RIPK2: variants seen among roughly 807,000 people sequenced by gnomAD.
RIPK2 encodes the protein receptor interacting serine/threonine kinase 2, also known as receptor-interacting serine/threonine-protein kinase 2.
RIPK2 carries 38 observed loss-of-function variants against 60.9 expected under a neutral mutation model. The ratio of observed to expected loss-of-function variants is 0.62; its 90% confidence interval spans 0.48 to 0.82. RIPK2 has a LOEUF of 0.82. Ranked by LOEUF, RIPK2 falls within the 40% of genes least tolerant of loss-of-function variation. The pLI is 0.00. For synonymous variants in RIPK2, 225 were observed against 223.4 expected (o/e 1.01, Z -0.06); for missense variants, 518 against 647.0 (o/e 0.80, Z 2.16).
At chr8:89,765,645 T>G (rs908532593) in intron 3 of RIPK2, 149 bp downstream of exon 3, 1 of 489,054 alleles carries the variant, frequency 2.0e-6, no homozygotes, top group South Asian at 4.0e-5. Flanking sequence ...AATTTCTATC[T>G]TCTATTCTCC....
chr8:89,771,716 A>G, intron 4 of RIPK2, 25 bp from the exon 5 acceptor site: 1 of 1,524,990 alleles, frequency 6.6e-7, no homozygotes, highest in Admixed American at 1.9e-5. Flanking sequence ...AAAATATGTA[A>G]CATGTATGTT....
chr8:89,787,174 T>C (rs1809601461), intron 9 of RIPK2, among the ~76,000 whole-genome samples: 1 of 151,980 alleles, frequency 6.6e-6, no homozygotes, highest in African/African-American at 2.4e-5. Flanking sequence ...AAAAAATAAA[T>C]TTTAAAAAAC....
intron 1 of RIPK2, among the ~76,000 whole-genome samples, chr8:89,758,936 TTA>T (rs1335564752): frequency 2.0e-5 from 3 of 152,216 alleles, no homozygotes; most frequent in South Asian, 2.1e-4. Flanking sequence ...GGTGTTCACA[TTA>T]TATGTTTATT....
chr8:89,768,720 T>C (rs753306283), intron 3 of RIPK2, among the ~76,000 whole-genome samples: 3 of 151,804 alleles, frequency 2.0e-5, no homozygotes, highest in Non-Finnish European at 4.4e-5. Context: ...TTGACTCTTT[T>C]ATTGTAGCAA....
intron 6 of RIPK2, among the ~76,000 whole-genome samples, chr8:89,775,298 A>G (rs1311442770): frequency 6.6e-6 from 1 of 152,008 alleles, no homozygotes; most frequent in Non-Finnish European, 1.5e-5. Context: ...AAAAAAAAAT[A>G]AAAAATTAGC....
intron 5 of RIPK2, among the ~76,000 whole-genome samples, chr8:89,772,173 TA>T (rs1427743390): frequency 6.6e-6 from 1 of 152,060 alleles, no homozygotes; most frequent in African/African-American, 2.4e-5. Context: ...TATGATAATT[TA>T]ATTACTACCC....
At chr8:89,785,560 G>A (rs1005310769) in intron 8 of RIPK2, among the ~76,000 whole-genome samples, 1 of 151,836 alleles carries the variant, frequency 6.6e-6, no homozygotes. Flanking sequence ...TTTAGACTTG[G>A]GTCCCAACCC....
intron 7 of RIPK2, among the ~76,000 whole-genome samples, chr8:89,782,820 C>T (rs1809522596): frequency 6.6e-6 from 1 of 152,008 alleles, no homozygotes; most frequent in South Asian, 2.1e-4. Flanking sequence ...TTGTTCATTT[C>T]TTCTTAGGGA....
intron 9 of RIPK2, among the ~76,000 whole-genome samples, 185 bp from the exon 10 acceptor site, chr8:89,789,136 C>T (rs543157772): frequency 3.9e-5 from 6 of 152,216 alleles, no homozygotes; most frequent in African/African-American, 1.4e-4. Flanking sequence ...TGAAAGCATT[C>T]CATATAAACC....
chr8:89,781,553 T>G (rs1020069954), intron 7 of RIPK2, among the ~76,000 whole-genome samples: 30 of 151,966 alleles, frequency 2.0e-4, no homozygotes, highest in African/African-American at 7.3e-4. Context: ...TTGCCATATT[T>G]TTTCCACTCA....
rs77762263 is a variant in RIPK2 at position 89,768,196 on chromosome 8, C to T, written c.484-1576C>T. 6.8e-3 allele frequency among the ~76,000 whole-genome samples: 1,029 copies of T among 151,744 alleles called. 9 individuals carry two copies. The highest frequency in any genetic ancestry group is 0.023 in the African/African-American group (940 of 41,456). On this transcript the variant is annotated intron_variant, in intron 3 of 10. Coordinates refer to ENST00000220751, the MANE Select transcript of RIPK2 (RefSeq NM_003821.6). ...CCACGTATCGTTGCTTAAGCCACCTCTTCTTAAGCAACAAAGTACACAAAA... is the reference window on the plus strand; with the variant it reads ...CCACGTATCGTTGCTTAAGCCACCTTTTCTTAAGCAACAAAGTACACAAAA...
At chr8:89,764,126 A>C (rs1354606102) in intron 2 of RIPK2, among the ~76,000 whole-genome samples, 1 of 152,128 alleles carries the variant, frequency 6.6e-6, no homozygotes, top group Non-Finnish European at 1.5e-5. Context: ...TGCTGCAGAG[A>C]GGCCTGGTAA....
In RIPK2 at chr8:89,789,388, C is replaced by T; in HGVS notation, c.1191C>T (p.Thr397=). The change falls in exon 10 of 11, where the codon ACC becomes ACT. Residue 397 remains threonine (T), a synonymous_variant. Coordinates refer to ENST00000220751, the MANE Select transcript of RIPK2 (RefSeq NM_003821.6). ...CTGGAAATCACAGTTGGGATAGCACCATTTCTGGATCTCAAAGGGCTGCAT... is the reference window on the plus strand; with the variant it reads ...CTGGAAATCACAGTTGGGATAGCACTATTTCTGGATCTCAAAGGGCTGCAT... The part of the protein sequence containing the change: ...HCPGNHSWDS[T]ISGSQRAAFC... 1 of 1,613,988 alleles carries T rather than the reference C, an allele frequency of 6.2e-7. No individual in the cohort carries two copies. The highest frequency in any genetic ancestry group is 8.5e-7 in the Non-Finnish European group (1 of 1,179,908).
Position 89,769,864 on chromosome 8 carries a change from T to C in RIPK2, c.576T>C (p.Tyr192=). ...CACCAGAAGGAGGGACAATTATCTA[T>C]ATGCCACCTGAAAACTATGAACCTG... ...KSAPEGGTII[Y]MPPENYEPGQ... is the part of the protein sequence containing the mutation. The change falls in exon 4 of 11, where the codon TAT becomes TAC. Residue 192 remains tyrosine, a synonymous_variant. Coordinates refer to ENST00000220751, the MANE Select transcript of RIPK2 (RefSeq NM_003821.6). 6.2e-7 allele frequency: 1 copy of C among 1,609,050 alleles called. No homozygotes were observed. Among genetic ancestry groups the C allele is most frequent in the South Asian group, 1.1e-5 (1 of 90,628 alleles).
At chr8:89,777,754 T>C (rs972859920) in intron 6 of RIPK2, among the ~76,000 whole-genome samples, 1 of 152,186 alleles carries the variant, frequency 6.6e-6, no homozygotes, top group African/African-American at 2.4e-5. Flanking sequence ...GACTGTTTCC[T>C]ATTTTCAGTG....
chr8:89,783,322 T>C (rs1251914672), intron 7 of RIPK2, among the ~76,000 whole-genome samples: 1 of 152,234 alleles, frequency 6.6e-6, no homozygotes, highest in Non-Finnish European at 1.5e-5. Flanking sequence ...CACAAAAGAA[T>C]AGTATTTAAG....
At chr8:89,777,868 G>A (rs568946661) in intron 6 of RIPK2, among the ~76,000 whole-genome samples, 4 of 152,030 alleles carry the variant, frequency 2.6e-5, no homozygotes, top group East Asian at 1.9e-4. Flanking sequence ...GCAGATTCTG[G>A]GAACCTGAAA....
At chr8:89,779,812 T>C (rs192228149) in intron 6 of RIPK2, among the ~76,000 whole-genome samples, 1 of 152,316 alleles carries the variant, frequency 6.6e-6, no homozygotes, top group African/African-American at 2.4e-5. Context: ...TGTTTTAGCA[T>C]CATTTATTGA....
intron 3 of RIPK2, among the ~76,000 whole-genome samples, chr8:89,767,673 A>T (rs1809250762): frequency 1.3e-5 from 2 of 151,718 alleles, no homozygotes; most frequent in Admixed American, 6.6e-5. Flanking sequence ...TAACATCCTT[A>T]ATTGAATAAT....
Sources: allele counts gnomAD v4.1 joint callset (sites outside exome capture counted in the v4.1 genomes callset), GRCh38; gene constraint gnomAD v4.1.1; transcripts MANE v1.5; gene names NCBI Gene and HGNC (gene_info 2026-07-23, HGNC 2026-07-21).